The following FAM78B variants were observed in gnomAD, a reference collection of about 807,000 sequenced individuals.
The protein encoded by FAM78B is protein FAM78B.
In FAM78B, 10 loss-of-function variants were observed where a neutral mutation model predicts 20.0. The observed-to-expected ratio is 0.50, with a 90% CI of 0.31 to 0.85. FAM78B has a LOEUF of 0.85. Ranked by LOEUF, FAM78B falls within the 40% of genes least tolerant of loss-of-function variation. The probability of loss-of-function intolerance (pLI) is 0.05; values close to 1 mark genes in which losing one functional copy is unlikely to be tolerated. For missense variants in FAM78B, 283 were observed against 345.0 expected, an observed-to-expected ratio of 0.82 and a Z score of 1.42; for synonymous variants, 135 against 132.8, an observed-to-expected ratio of 1.02 and a Z score of -0.12.
chr1:166,155,345 T>C (rs1178460078), intron 1 of FAM78B, among the ~76,000 whole-genome samples: 1 of 152,234 alleles, frequency 6.6e-6, no homozygotes, highest in Non-Finnish European at 1.5e-5. Context: ...AGCTGAGTAA[T>C]GCTGGGCATG....
intron 1 of FAM78B, among the ~76,000 whole-genome samples, chr1:166,109,004 C>T (rs999337433): frequency 1.3e-5 from 2 of 152,104 alleles, no homozygotes; most frequent in Non-Finnish European, 2.9e-5. Context: ...ACACAAAAAT[C>T]AACTCAAGAT....
chr1:166,094,373 G>A (rs971696981), intron 1 of FAM78B, among the ~76,000 whole-genome samples: 1 of 152,200 alleles, frequency 6.6e-6, no homozygotes, highest in African/African-American at 2.4e-5. Flanking sequence ...CGTGCTCCAT[G>A]TAGGGCTCAG....
intron 1 of FAM78B, among the ~76,000 whole-genome samples, chr1:166,094,742 G>A (rs1053309844): frequency 6.6e-6 from 1 of 152,318 alleles, no homozygotes; most frequent in African/African-American, 2.4e-5. Flanking sequence ...AAAAGATAAG[G>A]AGGACATCTG....
intron 1 of FAM78B, among the ~76,000 whole-genome samples, chr1:166,093,446 T>C (rs1339447701): frequency 6.6e-6 from 1 of 152,170 alleles, no homozygotes. Flanking sequence ...TTTTATATCC[T>C]TTTCTCCTGG....
At chr1:166,071,850 G>A (rs1557888219) in intron 1 of FAM78B, among the ~76,000 whole-genome samples, 1 of 152,146 alleles carries the variant, frequency 6.6e-6, no homozygotes, top group Admixed American at 6.5e-5. Context: ...GCTGGAGGGA[G>A]TTAGAATGGA....
intron 1 of FAM78B, among the ~76,000 whole-genome samples, chr1:166,091,773 A>G (rs534408713): frequency 4.6e-5 from 7 of 152,320 alleles, no homozygotes; most frequent in African/African-American, 1.7e-4. Context: ...CAATCCCCAC[A>G]TAAATGATCT....
chr1:166,119,121 T>C (rs2101766518), intron 1 of FAM78B, among the ~76,000 whole-genome samples: 1 of 152,286 alleles, frequency 6.6e-6, no homozygotes. Context: ...CTAAGAGCTT[T>C]GAAGACAAGA....
At chr1:166,159,570 C>A (rs1263606381) in intron 1 of FAM78B, among the ~76,000 whole-genome samples, 2 of 152,244 alleles carry the variant, frequency 1.3e-5, no homozygotes, top group African/African-American at 4.8e-5. Context: ...CTCTGCAGAC[C>A]TGCCCCTAAA....
chr1:166,085,318 A>T lies in FAM78B; in HGVS notation c.264-14555T>A, dbSNP rs562274100. The stretch of plus-strand genomic sequence containing the variant: ...GCATAGTTGGCTGGGGACCCTGGGC[A>T]GCTCAGGGGAAGGGGGGCCACTGTA... On this transcript the variant is annotated intron_variant, in intron 1 of 1. Transcript: ENST00000354422. 3.3e-5 allele frequency among the ~76,000 whole-genome samples: 5 copies of T among 152,310 alleles called. No homozygotes were observed. In the East Asian group the frequency reaches 9.7e-4, roughly 29 times the overall value.
At chr1:166,110,054 G>A in intron 1 of FAM78B, among the ~76,000 whole-genome samples, 1 of 150,362 alleles carries the variant, frequency 6.7e-6, no homozygotes, top group East Asian at 2.0e-4. Flanking sequence ...TCACTGATAT[G>A]TGGGAGCTAA....
chr1:166,150,646 T>C (rs1243444893), intron 1 of FAM78B, among the ~76,000 whole-genome samples: 3 of 152,124 alleles, frequency 2.0e-5, no homozygotes, highest in Non-Finnish European at 2.9e-5. Flanking sequence ...ATACACAAAT[T>C]TCAACACAAA....
chr1:166,143,712 C>G (rs565561384), intron 1 of FAM78B, among the ~76,000 whole-genome samples: 3 of 152,090 alleles, frequency 2.0e-5, no homozygotes, highest in Admixed American at 2.0e-4. Flanking sequence ...GTGAGGGTTG[C>G]TCTAAGGAAG....
At position 166,128,525 on chromosome 1, in the gene FAM78B, A is replaced by G. The variant is rs115177537; in HGVS notation, c.263+37461T>C. Among the ~76,000 whole-genome samples, 192 of 152,328 alleles carry G rather than the reference A, an allele frequency of 1.3e-3. 1 individual carries two copies. Among genetic ancestry groups the G allele is most frequent in the Non-Finnish European group, 2.0e-3 (139 of 68,024 alleles). On this transcript the variant is annotated intron_variant, in intron 1 of 1. Coordinates refer to ENST00000354422, the MANE Select transcript of FAM78B (RefSeq NM_001017961.5). ...TTTCACTGTGACAACTGAATGCGCTAATGTTGGTGAAAATGCCTAATTGTG... is the reference window on the plus strand; with the variant it reads ...TTTCACTGTGACAACTGAATGCGCTGATGTTGGTGAAAATGCCTAATTGTG...
chr1:166,159,439 A>G (rs1656056041), intron 1 of FAM78B, among the ~76,000 whole-genome samples: 1 of 152,212 alleles, frequency 6.6e-6, no homozygotes, highest in Non-Finnish European at 1.5e-5. Flanking sequence ...AGGGGGTCAG[A>G]TGAGATCAGA....
downstream of FAM78B, among the ~76,000 whole-genome samples, chr1:166,065,214 C>T (rs189617973): frequency 6.6e-5 from 10 of 152,270 alleles, no homozygotes; most frequent in East Asian, 3.9e-4. Context: ...TCTGTGACAA[C>T]GGAGTGAAGG....
intron 1 of FAM78B, among the ~76,000 whole-genome samples, chr1:166,091,477 G>A (rs1653071101): frequency 1.3e-5 from 2 of 152,214 alleles, no homozygotes; most frequent in African/African-American, 2.4e-5. Flanking sequence ...CATCCAAGAC[G>A]TGATTAGCTG....
chr1:166,099,910 C>T (rs1194460666), intron 1 of FAM78B, among the ~76,000 whole-genome samples: 3 of 152,116 alleles, frequency 2.0e-5, no homozygotes, highest in African/African-American at 7.2e-5. Context: ...TTAAACTATA[C>T]CTTGGAACAA....
At chr1:166,079,240 C>T (rs1404218494) in intron 1 of FAM78B, among the ~76,000 whole-genome samples, 1 of 152,182 alleles carries the variant, frequency 6.6e-6, no homozygotes, top group Non-Finnish European at 1.5e-5. Flanking sequence ...GCTGGCCTTA[C>T]CCTTTTAAGA....
At chr1:166,089,295 G>C (rs554956300) in intron 1 of FAM78B, among the ~76,000 whole-genome samples, 2 of 152,258 alleles carry the variant, frequency 1.3e-5, no homozygotes, top group South Asian at 2.1e-4. Context: ...GTCTCTCTTC[G>C]TGTGGATTGG....
Sources: gnomAD v4.1 joint callset for allele counts (sites outside exome capture counted in the v4.1 genomes callset) on GRCh38, gnomAD v4.1.1 for gene constraint, MANE v1.5 for transcripts, NCBI Gene and HGNC (gene_info 2026-07-23, HGNC 2026-07-21) for gene names.